The following HIVEP2 variants were observed in gnomAD, a reference collection of about 807,000 sequenced individuals.
HIVEP2 encodes the protein HIVEP zinc finger 2, also known as transcription factor HIVEP2.
In HIVEP2, 14 loss-of-function variants were observed where a neutral mutation model predicts 180.7. That is an observed-to-expected ratio of 0.08 (90% CI 0.05 to 0.12). The LOEUF (loss-of-function observed/expected upper bound fraction) is 0.12, where lower values mean the gene tolerates loss of function less well. HIVEP2 is among the 10% of genes least tolerant of loss of function. The probability of loss-of-function intolerance (pLI) is 1.00; values close to 1 mark genes in which losing one functional copy is unlikely to be tolerated. For synonymous variants in HIVEP2, 1,184 were observed against 1,136.4 expected (o/e 1.04, Z -0.84); for missense variants, 2,579 against 3,008.5 (o/e 0.86, Z 3.34).
chr6:142,802,276 G>T (rs551545015), intron 2 of HIVEP2, among the ~76,000 whole-genome samples: 3 of 152,232 alleles, frequency 2.0e-5, no homozygotes, highest in Admixed American at 6.5e-5. Flanking sequence ...GGTTTGATGA[G>T]TCAGGTGATG....
chr6:142,771,769 C>T lies in HIVEP2; in HGVS notation c.2970G>A (p.Lys990=), dbSNP rs1371597842. The T allele has an allele frequency of 1.1e-5, 18 of 1,614,192 alleles. No individual in the cohort carries two copies. Among genetic ancestry groups the T allele is most frequent in the Non-Finnish European group, 4.2e-6 (5 of 1,180,030 alleles). ...CATCCTGCTTAGGAAGTGCAGAAAG[C>T]TTACTGGTTTCTTCTCTTTCAAAAG... ...SMSFEREETS[K]LSALPKQDEF... Residue 990 remains lysine (K), a synonymous_variant, in exon 5 of 10, where the codon AAG becomes AAA. Coordinates refer to ENST00000367603, the MANE Select transcript of HIVEP2 (RefSeq NM_006734.4). The surrounding 1 kb of genome is among the most constrained non-coding windows in gnomAD (Gnocchi z 5.4).
chr6:142,881,447 A>C (rs1361354646), intron 1 of HIVEP2, among the ~76,000 whole-genome samples: 1 of 152,220 alleles, frequency 6.6e-6, no homozygotes, highest in Non-Finnish European at 1.5e-5. Context: ...ACCAGATTTG[A>C]GACACAGTAA....
chr6:142,838,685 G>A (rs1440714883), intron 1 of HIVEP2, among the ~76,000 whole-genome samples: 1 of 152,146 alleles, frequency 6.6e-6, no homozygotes, highest in African/African-American at 2.4e-5. Context: ...GAAAGAGGTA[G>A]GGCACTCCCT....
At chr6:142,864,626 T>C (rs1776089879) in intron 1 of HIVEP2, among the ~76,000 whole-genome samples, 1 of 152,222 alleles carries the variant, frequency 6.6e-6, no homozygotes, top group Non-Finnish European at 1.5e-5. Flanking sequence ...ACCTAATAAC[T>C]TGAAGCTATA....
At chr6:142,761,897 CA>C (rs1198315167) in intron 7 of HIVEP2, among the ~76,000 whole-genome samples, 1 of 152,114 alleles carries the variant, frequency 6.6e-6, no homozygotes, top group Non-Finnish European at 1.5e-5. Context: ...CATATCTACC[CA>C]AATACACCAG....
chr6:142,909,942 C>T lies in HIVEP2; in HGVS notation c.-641+35157G>A, dbSNP rs551195864. On this transcript the variant is annotated intron_variant, in intron 1 of 9. Transcript: ENST00000367603. ...CTATATTTTGATCTTTAAGATCTTG[C>T]TTCTGATTTTTATAGTTTATCTATT... 2.6e-5 allele frequency among the ~76,000 whole-genome samples: 4 copies of T among 152,288 alleles called. No homozygotes were observed. In the South Asian group the frequency reaches 8.3e-4, roughly 32 times the overall value.
At chr6:142,821,084 G>A (rs1304393737) in intron 2 of HIVEP2, among the ~76,000 whole-genome samples, 1 of 152,116 alleles carries the variant, frequency 6.6e-6, no homozygotes, top group Non-Finnish European at 1.5e-5. Context: ...TGGAGCCAGA[G>A]TCAATCCAAA....
At chr6:142,939,441 G>A (rs535807093) in intron 1 of HIVEP2, among the ~76,000 whole-genome samples, 1 of 151,892 alleles carries the variant, frequency 6.6e-6, no homozygotes, top group East Asian at 1.9e-4. Context: ...GGTCTTTGAG[G>A]CACCACAAGA....
intron 1 of HIVEP2, among the ~76,000 whole-genome samples, chr6:142,901,548 C>T (rs1260568307): frequency 6.6e-6 from 1 of 152,142 alleles, no homozygotes; most frequent in African/African-American, 2.4e-5. Context: ...CCTAGCACAA[C>T]CTCAATGTCT....
chr6:142,862,843 T>C (rs1776033363), intron 1 of HIVEP2, among the ~76,000 whole-genome samples: 1 of 133,832 alleles, frequency 7.5e-6, no homozygotes, highest in Non-Finnish European at 1.5e-5. Context: ...AAATTATATA[T>C]ATTTATTTAT....
At chr6:142,813,604 T>C (rs2114802727) in intron 2 of HIVEP2, among the ~76,000 whole-genome samples, 1 of 150,714 alleles carries the variant, frequency 6.6e-6, no homozygotes, top group South Asian at 2.1e-4. Context: ...AGACATGATC[T>C]TGCTCTGTCA....
At chr6:142,835,890 C>T (rs953969485) in intron 2 of HIVEP2, among the ~76,000 whole-genome samples, 3 of 152,076 alleles carry the variant, frequency 2.0e-5, no homozygotes, top group Non-Finnish European at 4.4e-5. Context: ...ACAACGCTAT[C>T]GCTAAAAAAC....
chr6:142,807,194 A>G (rs1057285277), intron 2 of HIVEP2, among the ~76,000 whole-genome samples: 15 of 152,216 alleles, frequency 9.9e-5, no homozygotes, highest in Admixed American at 2.0e-4. Flanking sequence ...CAACTTGGCC[A>G]GTACTTCATA....
rs988606550 is a variant in HIVEP2, at chr6:142,943,290, A to T, written c.-641+1809T>A. 3.9e-5 allele frequency among the ~76,000 whole-genome samples: 6 copies of T among 152,196 alleles called. No homozygotes were observed. The highest frequency in any genetic ancestry group is 3.9e-4 in the Admixed American group (6 of 15,278). ...TTATAAGGTGAAAAAGCAATGAGAC[A>T]TTTGCTACATATGTAGCAAACATAT... On this transcript the variant is annotated intron_variant, in intron 1 of 9. Coordinates refer to ENST00000367603, the MANE Select transcript of HIVEP2 (RefSeq NM_006734.4). This position sits in a 1 kb window ranked among gnomAD's most constrained non-coding sequence, Gnocchi z 4.5.
chr6:142,843,758 A>G (rs950790064), intron 1 of HIVEP2, among the ~76,000 whole-genome samples: 9 of 152,206 alleles, frequency 5.9e-5, no homozygotes, highest in African/African-American at 2.2e-4. Context: ...GTTTTGCCTT[A>G]GTCTTATGCA....
At chr6:142,904,894 G>T (rs955519742) in intron 1 of HIVEP2, among the ~76,000 whole-genome samples, 2 of 152,100 alleles carry the variant, frequency 1.3e-5, no homozygotes, top group Non-Finnish European at 2.9e-5. Context: ...TGGGTAAACT[G>T]TGGTTTTCAT....
intron 1 of HIVEP2, among the ~76,000 whole-genome samples, chr6:142,859,562 G>A (rs559355331): frequency 6.6e-6 from 1 of 151,978 alleles, no homozygotes; most frequent in African/African-American, 2.4e-5. Flanking sequence ...GGCAGGACGC[G>A]GTGGCTCATG....
chr6:142,790,119 A>G (rs1484968515), intron 2 of HIVEP2, among the ~76,000 whole-genome samples: 3 of 152,156 alleles, frequency 2.0e-5, no homozygotes, highest in African/African-American at 7.2e-5. Flanking sequence ...TTATGAGACC[A>G]TCTTCCTAAA....
chr6:142,843,926 A>G (rs903655852), intron 1 of HIVEP2, among the ~76,000 whole-genome samples: 1 of 152,234 alleles, frequency 6.6e-6, no homozygotes, highest in Non-Finnish European at 1.5e-5. Context: ...CATTAGAATC[A>G]TAACTTTTCA....
Sources: gnomAD v4.1 joint callset for allele counts (sites outside exome capture counted in the v4.1 genomes callset) on GRCh38, gnomAD v4.1.1 for gene constraint, Gnocchi (gnomAD v3.1) non-coding constraint, MANE v1.5 for transcripts, NCBI Gene and HGNC (gene_info 2026-07-23, HGNC 2026-07-21) for gene names.